Variants in ITGAL observed in about 807,000 individuals in gnomAD.
ITGAL encodes integrin alpha-L.
ITGAL carries 68 observed loss-of-function variants against 138.4 expected under a neutral mutation model. The ratio of observed to expected loss-of-function variants is 0.49; its 90% CI spans 0.40 to 0.60. The LOEUF (loss-of-function observed/expected upper bound fraction) is 0.60, where lower values mean the gene tolerates loss of function less well. Ranked by LOEUF, ITGAL falls within the 20% of genes least tolerant of loss-of-function variation. ITGAL has a pLI of 0.00. For missense variants in ITGAL, 1,256 were observed against 1,478.6 expected (o/e 0.85, Z 2.47); for synonymous variants, 561 against 584.3 (o/e 0.96, Z 0.57).
At chr16:30,503,455 C>A (rs75911296) in intron 17 of ITGAL, among the ~76,000 whole-genome samples, 1,597 of 82,068 alleles carry the variant, frequency 0.019, 9 homozygotes, top group Non-Finnish European at 0.03. Flanking sequence ...TTTTTTTTTT[C>A]TTTTCTAGAG....
chr16:30,489,080 A>G lies in ITGAL; in HGVS notation c.1007-2A>G. The G allele has an allele frequency of 6.2e-7, 1 of 1,613,078 alleles. No individual in the cohort carries two copies. Among genetic ancestry groups the G allele is most frequent in the Non-Finnish European group, 8.5e-7 (1 of 1,179,738 alleles). ...TCACCTGTTCTCTGCTTTGTTCCCC[A>G]GGCACAAGCAAACAGGACCTGACTT... On this transcript the variant is annotated splice_acceptor_variant, in intron 9 of 30. Transcript: ENST00000356798. LOFTEE classifies it high-confidence loss of function.
intron 15 of ITGAL, 21 bp downstream of exon 15, chr16:30,496,587 C>A: frequency 1.2e-6 from 2 of 1,602,046 alleles, no homozygotes; most frequent in South Asian, 1.1e-5. Context: ...TCTCCCAGGT[C>A]ACACCTGATG....
chr16:30,517,048 A>G lies in ITGAL; in HGVS notation c.2938A>G (p.Ser980Gly). 6.2e-7 allele frequency: 1 copy of G among 1,613,316 alleles called. No homozygotes were observed. The change falls in exon 26 of 31, where the codon AGC becomes GGC. Residue 980 changes from serine to glycine, a missense_variant. Ser to Gly is a moderately conservative substitution (Grantham distance 56). Around this residue, in one of 3 missense-constraint regions of ITGAL, gnomAD observed 867 missense variants for 972.5 expected, o/e 0.89. Transcript: ENST00000356798. ...EAVVGVPQPP[S>G]EGPITHQWSV... ...TGTGGTTGGGGTGCCACAGCCTCCC[A>G]GCGAGGGGCCCATCACACACCAGTG...
intron 4 of ITGAL, among the ~76,000 whole-genome samples, chr16:30,477,817 T>C (rs2050492514): frequency 6.6e-6 from 1 of 151,114 alleles, no homozygotes; most frequent in African/African-American, 2.4e-5. Context: ...GCCCAGGAAG[T>C]TGAGGCTGCA....
At chr16:30,501,331 T>C (rs2050894488) in intron 17 of ITGAL, among the ~76,000 whole-genome samples, 1 of 151,968 alleles carries the variant, frequency 6.6e-6, no homozygotes, top group Non-Finnish European at 1.5e-5. Flanking sequence ...ATCCCAGCAC[T>C]TTGGGATGCC....
chr16:30,500,588 C>T (rs945529061), intron 17 of ITGAL, among the ~76,000 whole-genome samples: 8 of 151,862 alleles, frequency 5.3e-5, no homozygotes, highest in Non-Finnish European at 1.2e-4. Context: ...CTTGCTCTAT[C>T]GTCCAGGCTG....
At chr16:30,475,690 A>G in intron 4 of ITGAL, 110 bp downstream of exon 4, 2 of 775,836 alleles carry the variant, frequency 2.6e-6, no homozygotes, top group East Asian at 2.6e-5. Flanking sequence ...GGTCAAAGGC[A>G]TCAGAGTCAA....
In ITGAL at chr16:30,522,762, C is replaced by A. The variant is rs1421540027; in HGVS notation, c.*1097C>A. The A allele has an allele frequency of 1.3e-5, 2 of 152,214 alleles. No homozygotes were observed. Among genetic ancestry groups the A allele is most frequent in the African/African-American group, 4.8e-5 (2 of 41,438 alleles). The allele number at this position is 152,214 out of a possible 1,614,324, so 9.4% of individuals were successfully genotyped here. A position where few individuals can be genotyped will look rare whatever the true frequency, so the allele number is the denominator to read the frequency against. The stretch of plus-strand genomic sequence containing the variant: ...ATCACCTGAGGTCAGGAGTTAGAGG[C>A]CAGCCTGGCGAAACCCCATCTCTAC... On this transcript the variant is annotated 3_prime_UTR_variant, in exon 31 of 31. Transcript: ENST00000356798. The surrounding 1 kb of genome is among the most constrained non-coding windows in gnomAD (Gnocchi z 4.0).
intron 7 of ITGAL, among the ~76,000 whole-genome samples, chr16:30,481,849 C>G (rs1465693927): frequency 6.6e-6 from 1 of 152,076 alleles, no homozygotes; most frequent in Non-Finnish European, 1.5e-5. Context: ...GCAGGAGGAT[C>G]TTTTGAGCCC....
intron 25 of ITGAL, among the ~76,000 whole-genome samples, 172 bp downstream of exon 25, chr16:30,514,018 A>G (rs2051130076): frequency 6.6e-6 from 1 of 152,216 alleles, no homozygotes; most frequent in Non-Finnish European, 1.5e-5. Context: ...GCAGCAGCAT[A>G]TGCTAACTCC....
At chr16:30,497,771 C>T (rs1444689920) in intron 15 of ITGAL, among the ~76,000 whole-genome samples, 1 of 151,596 alleles carries the variant, frequency 6.6e-6, no homozygotes, top group African/African-American at 2.4e-5. Context: ...AGCCACCGTG[C>T]CCAGCCCTTT....
At chr16:30,499,284 C>A (rs2050849550) in intron 16 of ITGAL, 50 bp downstream of exon 16, 2 of 1,613,006 alleles carry the variant, frequency 1.2e-6, no homozygotes, top group Non-Finnish European at 1.7e-6. Context: ...CAAATCCAGG[C>A]TTATGGCCTG....
In ITGAL at chr16:30,521,699, T is replaced by G; in HGVS notation, c.*34T>G. The G allele has an allele frequency of 6.3e-7, 1 of 1,598,098 alleles. No individual in the cohort carries two copies. The highest frequency in any genetic ancestry group is 8.5e-7 in the Non-Finnish European group (1 of 1,170,642). ...CTGTGAGGTGCAGAGTGCCCAGAAC[T>G]GGACTCAGGATGCCCAGGGCCACTC... On this transcript the variant is annotated 3_prime_UTR_variant, in exon 31 of 31. Transcript: ENST00000356798.
At chr16:30,479,706 G>A (rs1224275641) in intron 6 of ITGAL, among the ~76,000 whole-genome samples, 1 of 135,588 alleles carries the variant, frequency 7.4e-6, no homozygotes, top group East Asian at 2.2e-4. Context: ...TGTTGCCCAG[G>A]CTGGAGTGCA....
intron 22 of ITGAL, 54 bp from the exon 23 acceptor site, chr16:30,510,827 T>G: frequency 3.4e-5 from 48 of 1,404,714 alleles, no homozygotes; most frequent in Non-Finnish European, 4.4e-5. Context: ...GTGGGGGCCA[T>G]GAGGCTGCTC....
chr16:30,503,384 C>T (rs1463885470), intron 17 of ITGAL, among the ~76,000 whole-genome samples: 2 of 151,386 alleles, frequency 1.3e-5, no homozygotes, highest in East Asian at 3.9e-4. Flanking sequence ...GGGTTCAAAT[C>T]TTGACTGTCA....
At position 30,481,559 on chromosome 16, in the gene ITGAL, A is replaced by C; in HGVS notation, c.697A>C (p.Thr233Pro). ...HVKHMLLLTN[T>P]FGAINYVATE... ...AAAGCACATGTTGCTGTTGACCAATACCTTTGGTGCCATCAATTATGTCGC... is the reference window on the plus strand; with the variant it reads ...AAAGCACATGTTGCTGTTGACCAATCCCTTTGGTGCCATCAATTATGTCGC... The change falls in exon 7 of 31, where the codon ACC (threonine) becomes CCC (proline). Residue 233 changes from threonine (T) to proline (P), a missense_variant. By Grantham distance (38) the Thr-to-Pro change is conservative. This residue lies in a region of ITGAL where 177 missense variants were observed against 288.8 expected (regional missense o/e 0.61). Coordinates refer to ENST00000356798, the MANE Select transcript of ITGAL (RefSeq NM_002209.3). 3 of 1,613,596 alleles carry C rather than the reference A, an allele frequency of 1.9e-6. No homozygotes were observed. The highest frequency in any genetic ancestry group is 2.5e-6 in the Non-Finnish European group (3 of 1,179,818).
chr16:30,520,018 A>C (rs764799529), intron 30 of ITGAL, 51 bp downstream of exon 30: 1 of 1,361,724 alleles, frequency 7.3e-7, no homozygotes, highest in Non-Finnish European at 1.0e-6. Context: ...AGGCTGGGGA[A>C]GGGGATCTGG....
chr16:30,486,780 A>T (rs1366964055), intron 9 of ITGAL, among the ~76,000 whole-genome samples: 1 of 152,048 alleles, frequency 6.6e-6, no homozygotes, highest in Non-Finnish European at 1.5e-5. Flanking sequence ...GATCGATGAG[A>T]AATCATGAAG....
Sources: allele counts gnomAD v4.1 joint callset (sites outside exome capture counted in the v4.1 genomes callset), GRCh38; gene constraint gnomAD v4.1.1; regional missense constraint gnomAD v4.1.1; non-coding constraint Gnocchi (gnomAD v3.1); transcripts MANE v1.5; gene names NCBI Gene and HGNC (gene_info 2026-07-23, HGNC 2026-07-21).